Variants in SLIT3 observed in about 807,000 individuals in gnomAD.
SLIT3 encodes slit guidance ligand 3, also known as slit homolog 3 protein.
SLIT3 carries 68 observed loss-of-function variants against 184.0 expected under a neutral mutation model. The observed-to-expected ratio is 0.37, with a 90% confidence interval of 0.30 to 0.45. SLIT3 has a LOEUF of 0.45. Among genes scored for constraint, SLIT3 ranks in the 20% least tolerant of loss-of-function variants. The pLI is 1.00. For missense variants in SLIT3, 1,707 were observed against 2,026.0 expected (o/e 0.84, Z 3.02); for synonymous variants, 831 against 828.6 (o/e 1.00, Z -0.05).
intron 4 of SLIT3, among the ~76,000 whole-genome samples, chr5:169,152,032 G>A (rs886793647): frequency 6.6e-6 from 1 of 152,214 alleles, no homozygotes; most frequent in Non-Finnish European, 1.5e-5. Flanking sequence ...AATACTTGCT[G>A]TTGACATCCT....
chr5:169,031,443 G>C (rs960900847), intron 4 of SLIT3, among the ~76,000 whole-genome samples: 3 of 151,524 alleles, frequency 2.0e-5, no homozygotes, highest in Non-Finnish European at 4.4e-5. Flanking sequence ...CGTAATAAAA[G>C]CTATGCAGGA....
intron 1 of SLIT3, among the ~76,000 whole-genome samples, chr5:169,280,231 G>T (rs1029540905): frequency 6.6e-6 from 1 of 152,216 alleles, no homozygotes; most frequent in African/African-American, 2.4e-5. Context: ...ATGCAAGGAG[G>T]TGCTATCAAA....
rs142196886 is a variant in SLIT3, at chr5:168,885,644, C to A, written c.414-2308G>T. ...TCCCAGGATTGGCTGCTCTCTCTGG[C>A]GGCTCTGGAAGATGAGCCCCAGTCA... On this transcript the variant is annotated intron_variant, in intron 4 of 35. Coordinates refer to ENST00000519560, the MANE Select transcript of SLIT3 (RefSeq NM_003062.4). 4.6e-3 allele frequency among the ~76,000 whole-genome samples: 699 copies of A among 152,258 alleles called. 4 individuals carry two copies. Among genetic ancestry groups the A allele is most frequent in the African/African-American group, 0.016 (653 of 41,532 alleles).
chr5:168,949,333 G>A (rs1266253919), intron 4 of SLIT3, among the ~76,000 whole-genome samples: 1 of 152,184 alleles, frequency 6.6e-6, no homozygotes, highest in Non-Finnish European at 1.5e-5. Context: ...GAGACCATGA[G>A]AAATTCAAAG....
intron 32 of SLIT3, among the ~76,000 whole-genome samples, chr5:168,679,310 G>A (rs1391838561): frequency 6.6e-6 from 1 of 152,084 alleles, no homozygotes; most frequent in African/African-American, 2.4e-5. Flanking sequence ...CTCCTGCCTT[G>A]GCTTCCAAGA....
chr5:169,254,846 C>T (rs1203355680), intron 1 of SLIT3, among the ~76,000 whole-genome samples: 2 of 152,236 alleles, frequency 1.3e-5, no homozygotes, highest in African/African-American at 4.8e-5. Context: ...GCCTCAGCCA[C>T]CATCTGGTTA....
intron 1 of SLIT3, among the ~76,000 whole-genome samples, chr5:169,269,927 G>A (rs1766541303): frequency 6.6e-6 from 1 of 152,206 alleles, no homozygotes; most frequent in Non-Finnish European, 1.5e-5. Flanking sequence ...GGGAGGTGGG[G>A]ACATTCCATT....
chr5:169,044,493 C>T (rs1034003598), intron 4 of SLIT3, among the ~76,000 whole-genome samples: 1 of 147,974 alleles, frequency 6.8e-6, no homozygotes, highest in African/African-American at 2.5e-5. Flanking sequence ...TAAAAGGCCA[C>T]ATACTGCAGG....
chr5:168,738,743 C>A (rs1048285022), intron 20 of SLIT3, among the ~76,000 whole-genome samples: 2 of 152,094 alleles, frequency 1.3e-5, no homozygotes, highest in Non-Finnish European at 2.9e-5. Context: ...TCGAGACCAT[C>A]CTGGCTAATA....
At chr5:168,846,293 C>T (rs1339734608) in intron 5 of SLIT3, among the ~76,000 whole-genome samples, 6 of 152,182 alleles carry the variant, frequency 3.9e-5, no homozygotes, top group Non-Finnish European at 8.8e-5. Flanking sequence ...TTGGCGAGTT[C>T]TGTATCTAGT....
chr5:168,982,526 T>C (rs1754984311), intron 4 of SLIT3, among the ~76,000 whole-genome samples: 1 of 152,236 alleles, frequency 6.6e-6, no homozygotes, highest in African/African-American at 2.4e-5. Context: ...TTATAAGCAA[T>C]AGAAAACAGA....
At chr5:168,787,960 G>A (rs1000421778) in intron 11 of SLIT3, among the ~76,000 whole-genome samples, 1 of 150,980 alleles carries the variant, frequency 6.6e-6, no homozygotes, top group Non-Finnish European at 1.5e-5. Context: ...GGCATCTACT[G>A]CATGAATGAA....
intron 4 of SLIT3, among the ~76,000 whole-genome samples, chr5:168,884,090 A>G (rs990897425): frequency 2.6e-5 from 4 of 151,932 alleles, no homozygotes; most frequent in South Asian, 4.2e-4. Flanking sequence ...CCTTTCTAAG[A>G]AAGATATGGG....
intron 4 of SLIT3, chr5:169,012,068 A>G (rs1756178396): frequency 6.6e-6 from 1 of 152,150 alleles, no homozygotes; most frequent in Non-Finnish European, 1.5e-5. Flanking sequence ...TAGCAAATAC[A>G]AATGATAACT....
At chr5:169,042,846 A>C (rs780303771) in intron 4 of SLIT3, among the ~76,000 whole-genome samples, 2 of 152,218 alleles carry the variant, frequency 1.3e-5, no homozygotes, top group African/African-American at 2.4e-5. Context: ...AAAATGAGCT[A>C]TAAAAACAAG....
At chr5:168,994,491 A>G (rs141215687) in intron 4 of SLIT3, among the ~76,000 whole-genome samples, 5,350 of 152,178 alleles carry the variant, frequency 0.035, 118 homozygotes, top group Middle Eastern at 0.051. Flanking sequence ...CAACCAAATT[A>G]TCTGTTTTCA....
In SLIT3 at chr5:168,800,587, CAAAA is replaced by C. The variant is rs948827465; in HGVS notation, c.936-5013_936-5010del. Among the ~76,000 whole-genome samples the C allele has an allele frequency of 4.8e-5, 7 of 146,522 alleles. No homozygotes were observed. In the South Asian group the frequency reaches 1.1e-3, roughly 23 times the overall value. On this transcript the variant is annotated intron_variant, in intron 9 of 35. Coordinates refer to ENST00000519560, the MANE Select transcript of SLIT3 (RefSeq NM_003062.4). ...GGGCAATGAGAGCAAAATTCTGTCT[CAAAA>C]AAAAGAAAGAAAGAAAGAAAGGTAA... is the stretch of plus-strand genomic sequence containing the variant.
At chr5:169,005,210 AT>A (rs1173046611) in intron 4 of SLIT3, among the ~76,000 whole-genome samples, 1 of 152,196 alleles carries the variant, frequency 6.6e-6, no homozygotes, top group Admixed American at 6.5e-5. Flanking sequence ...AAACTAAAAA[AT>A]TTGTGTAATT....
At chr5:169,057,194 C>T (rs1758033560) in intron 4 of SLIT3, among the ~76,000 whole-genome samples, 1 of 152,110 alleles carries the variant, frequency 6.6e-6, no homozygotes, top group African/African-American at 2.4e-5. Context: ...GAGGGTCTAA[C>T]ATAGTGATAA....
Sources: gnomAD v4.1 joint callset for allele counts (sites outside exome capture counted in the v4.1 genomes callset) on GRCh38, gnomAD v4.1.1 for gene constraint, MANE v1.5 for transcripts, NCBI Gene and HGNC (gene_info 2026-07-23, HGNC 2026-07-21) for gene names.